Variants in EPB41L3 observed in about 807,000 individuals in gnomAD.
EPB41L3 encodes the protein band 4.1-like protein 3.
A neutral mutation model predicts 127.1 loss-of-function variants in EPB41L3; 57 were observed. The observed-to-expected ratio is 0.45, with a 90% confidence interval of 0.36 to 0.56. EPB41L3 has a LOEUF of 0.56. Ranked by LOEUF, EPB41L3 falls within the 20% of genes least tolerant of loss-of-function variation. The pLI is 0.00. For missense variants in EPB41L3, 1,273 were observed against 1,372.2 expected (o/e 0.93, Z 1.14); for synonymous variants, 572 against 549.5 (o/e 1.04, Z -0.57).
chr18:5,407,793 T>C, intron 14 of EPB41L3, 57 bp from the exon 15 acceptor site: 2 of 1,543,368 alleles, frequency 1.3e-6, no homozygotes, highest in Non-Finnish European at 1.8e-6. Flanking sequence ...TACTCTAAGA[T>C]TGAAGAACTA....
At chr18:5,475,200 C>T (rs994414485) in intron 3 of EPB41L3, among the ~76,000 whole-genome samples, 2 of 152,140 alleles carry the variant, frequency 1.3e-5, no homozygotes, top group African/African-American at 4.8e-5. Context: ...GTCCATTGTT[C>T]GTATTATCAT....
chr18:5,606,467 A>G (rs1057249491), intron 3 of EPB41L3, among the ~76,000 whole-genome samples: 5 of 152,202 alleles, frequency 3.3e-5, no homozygotes, highest in Non-Finnish European at 7.3e-5. Context: ...ACAACAATGT[A>G]CTATTGATGA....
intron 3 of EPB41L3, among the ~76,000 whole-genome samples, chr18:5,563,309 C>G (rs2094157475): frequency 6.6e-6 from 1 of 152,178 alleles, no homozygotes; most frequent in African/African-American, 2.4e-5. Flanking sequence ...AGGGGAGCAA[C>G]ACAGTTCTAT....
intron 1 of EPB41L3, chr18:5,540,432 C>T: frequency 1.0e-6 from 1 of 985,428 alleles, no homozygotes; most frequent in Non-Finnish European, 1.2e-6. Context: ...TCTGGTTTTG[C>T]CTGCCCCACC....
intron 3 of EPB41L3, among the ~76,000 whole-genome samples, chr18:5,585,230 T>C (rs2094431749): frequency 6.6e-6 from 1 of 152,336 alleles, no homozygotes; most frequent in Non-Finnish European, 1.5e-5. Flanking sequence ...GCTAAAACAA[T>C]TGCTAATGTG....
intron 16 of EPB41L3, among the ~76,000 whole-genome samples, chr18:5,402,725 A>G (rs2074709788): frequency 1.3e-5 from 2 of 152,228 alleles, no homozygotes; most frequent in South Asian, 4.1e-4. Context: ...AGTCAGATAT[A>G]TAGCCCAACC....
chr18:5,514,181 C>G (rs905763431), intron 1 of EPB41L3, among the ~76,000 whole-genome samples: 1 of 152,186 alleles, frequency 6.6e-6, no homozygotes, highest in African/African-American at 2.4e-5. Context: ...CCTTCCTGCC[C>G]TAACTTAATT....
intron 6 of EPB41L3, among the ~76,000 whole-genome samples, chr18:5,436,403 C>CTTTTTTTTT (rs34862547): frequency 3.0e-4 from 30 of 100,642 alleles, no homozygotes; most frequent in Non-Finnish European, 4.1e-4. Flanking sequence ...CATTTTCTTT[C>CTTTTTTTTT]TTTTTTTTTT....
In EPB41L3 at chr18:5,542,569, G is replaced by C. The variant is rs1238429230; in HGVS notation, c.-12+1344C>G. On this transcript the variant is annotated intron_variant, in intron 1 of 22. Coordinates refer to ENST00000341928, the MANE Select transcript of EPB41L3 (RefSeq NM_012307.5). Reference sequence around the variant, plus strand: ...GCTGAAACAACTTAAACACGCAATGGAAGCACTGCATTAGCAGGACTGCCC... The same window carrying C: ...GCTGAAACAACTTAAACACGCAATGCAAGCACTGCATTAGCAGGACTGCCC... 2.6e-5 allele frequency among the ~76,000 whole-genome samples: 4 copies of C among 151,950 alleles called. No homozygotes were observed. In the East Asian group the frequency reaches 7.7e-4, roughly 29 times the overall value.
intron 3 of EPB41L3, among the ~76,000 whole-genome samples, chr18:5,598,272 G>A (rs960548590): frequency 2.6e-5 from 4 of 152,050 alleles, no homozygotes; most frequent in Admixed American, 6.6e-5. Context: ...ACAGTGTATC[G>A]TAACAGATTG....
intron 3 of EPB41L3, among the ~76,000 whole-genome samples, chr18:5,599,138 C>T (rs938316421): frequency 3.9e-5 from 6 of 152,284 alleles, no homozygotes; most frequent in Admixed American, 6.5e-5. Context: ...TTTGATTTTT[C>T]CATGTGTCAG....
At chr18:5,395,773 G>A (rs182736350) in intron 19 of EPB41L3, 66 bp from the exon 20 acceptor site, 39 of 1,220,858 alleles carry the variant, frequency 3.2e-5, no homozygotes, top group Non-Finnish European at 3.9e-5. Context: ...AGTTGGCTAC[G>A]TTATTTAAGG....
intron 3 of EPB41L3, among the ~76,000 whole-genome samples, chr18:5,580,491 T>C (rs772005310): frequency 2.6e-5 from 4 of 152,108 alleles, no homozygotes; most frequent in Non-Finnish European, 5.9e-5. Flanking sequence ...CATATGCACA[T>C]ATAGGCACAC....
At chr18:5,585,002 C>T (rs1334053185) in intron 3 of EPB41L3, among the ~76,000 whole-genome samples, 4 of 151,910 alleles carry the variant, frequency 2.6e-5, no homozygotes, top group African/African-American at 9.7e-5. Flanking sequence ...TACAGTTTCC[C>T]AAAAATTAAC....
At chr18:5,560,478 C>T (rs2149199844) in intron 3 of EPB41L3, among the ~76,000 whole-genome samples, 1 of 152,242 alleles carries the variant, frequency 6.6e-6, no homozygotes, top group Non-Finnish European at 1.5e-5. Flanking sequence ...CTTTTTCAAA[C>T]TTAATTCACT....
chr18:5,567,736 G>GA (rs567650792), intron 3 of EPB41L3, among the ~76,000 whole-genome samples: 6 of 151,920 alleles, frequency 3.9e-5, no homozygotes, highest in African/African-American at 7.2e-5. Flanking sequence ...AGCTAGTGGG[G>GA]AAAAAAATGC....
chr18:5,596,870 A>C (rs1002434371), intron 3 of EPB41L3, among the ~76,000 whole-genome samples: 1 of 152,142 alleles, frequency 6.6e-6, no homozygotes, highest in Non-Finnish European at 1.5e-5. Flanking sequence ...AATATATTTT[A>C]AAAATTATTT....
At chr18:5,423,114 G>T (rs900639567) in intron 11 of EPB41L3, among the ~76,000 whole-genome samples, 1 of 152,108 alleles carries the variant, frequency 6.6e-6, no homozygotes, top group South Asian at 2.1e-4. Context: ...CAAATTCAGG[G>T]TGTCAGCTTA....
intron 3 of EPB41L3, among the ~76,000 whole-genome samples, chr18:5,603,097 A>AT (rs887152827): frequency 1.3e-5 from 2 of 152,028 alleles, no homozygotes; most frequent in South Asian, 2.1e-4. Flanking sequence ...GTATGCTTCA[A>AT]TTTTTTTTCC....
Sources: gnomAD v4.1 joint callset for allele counts (sites outside exome capture counted in the v4.1 genomes callset) on GRCh38, gnomAD v4.1.1 for gene constraint, MANE v1.5 for transcripts, NCBI Gene and HGNC (gene_info 2026-07-23, HGNC 2026-07-21) for gene names.